The following HIVEP3 variants were observed in gnomAD, a reference collection of about 807,000 sequenced individuals.
HIVEP3 encodes HIVEP zinc finger 3, also known as transcription factor HIVEP3.
Under a neutral mutation model 152.8 loss-of-function variants are expected in HIVEP3, and 49 were observed. The observed-to-expected ratio is 0.32, with a 90% CI of 0.26 to 0.41. HIVEP3 has a LOEUF of 0.41. Ranked by LOEUF, HIVEP3 falls within the 10% of genes least tolerant of loss-of-function variation. The pLI is 1.00. For synonymous variants in HIVEP3, 1,269 were observed against 1,289.0 expected, an observed-to-expected ratio of 0.98 and a Z score of 0.33; for missense variants, 2,790 against 3,103.3, an observed-to-expected ratio of 0.90 and a Z score of 2.40.
intron 5 of HIVEP3, among the ~76,000 whole-genome samples, chr1:41,573,539 G>C (rs867826833): frequency 2.0e-5 from 3 of 152,154 alleles, no homozygotes; most frequent in Non-Finnish European, 2.9e-5. Flanking sequence ...GAAAGGGAGA[G>C]GATACCTTCC....
At chr1:41,568,639 G>A (rs1293212144) in intron 5 of HIVEP3, among the ~76,000 whole-genome samples, 3 of 152,240 alleles carry the variant, frequency 2.0e-5, no homozygotes, top group African/African-American at 7.2e-5. Context: ...CAGAGGTTGG[G>A]AAAAATGGGC....
At chr1:41,872,944 A>C (rs551721577) in intron 1 of HIVEP3, among the ~76,000 whole-genome samples, 2 of 152,374 alleles carry the variant, frequency 1.3e-5, no homozygotes, top group African/African-American at 4.8e-5. Context: ...TATGCTGTGC[A>C]TGTTTAACTT....
chr1:41,642,671 C>T (rs1479172926), intron 2 of HIVEP3, among the ~76,000 whole-genome samples: 1 of 152,240 alleles, frequency 6.6e-6, no homozygotes, highest in East Asian at 1.9e-4. Flanking sequence ...CCGTGTCACT[C>T]ACAGAGCCTT....
intron 1 of HIVEP3, among the ~76,000 whole-genome samples, chr1:41,972,791 A>G (rs1440630859): frequency 6.6e-6 from 1 of 152,220 alleles, no homozygotes; most frequent in Non-Finnish European, 1.5e-5. Flanking sequence ...GGCAGATGCT[A>G]AATAAATATT....
intron 5 of HIVEP3, among the ~76,000 whole-genome samples, chr1:41,528,005 C>G (rs1445832015): frequency 2.0e-5 from 3 of 148,206 alleles, no homozygotes; most frequent in Non-Finnish European, 4.5e-5. Flanking sequence ...CACTCACACT[C>G]CACACCCCGC....
chr1:41,549,498 A>G (rs557606481), intron 5 of HIVEP3, among the ~76,000 whole-genome samples: 1 of 152,328 alleles, frequency 6.6e-6, no homozygotes, highest in Admixed American at 6.5e-5. Flanking sequence ...CAACAGTGTA[A>G]AAGTGTTCCT....
intron 2 of HIVEP3, among the ~76,000 whole-genome samples, chr1:41,697,414 A>T (rs1646292975): frequency 6.6e-6 from 1 of 152,206 alleles, no homozygotes; most frequent in South Asian, 2.1e-4. Context: ...GTTTTGAATT[A>T]TTTCCTGAGC....
At chr1:41,854,687 A>C (rs1570674020) in intron 1 of HIVEP3, among the ~76,000 whole-genome samples, 1 of 63,690 alleles carries the variant, frequency 1.6e-5, no homozygotes, top group Non-Finnish European at 2.9e-5. Flanking sequence ...CCCCGACCCC[A>C]CCACAGTCCC....
At chr1:41,604,072 G>A (rs556457954) in intron 3 of HIVEP3, among the ~76,000 whole-genome samples, 2 of 152,240 alleles carry the variant, frequency 1.3e-5, no homozygotes, top group African/African-American at 4.8e-5. Context: ...AACTCTTCTT[G>A]TGCATTGTTA....
chr1:41,652,718 C>G (rs1432308616), intron 2 of HIVEP3, among the ~76,000 whole-genome samples: 1 of 152,208 alleles, frequency 6.6e-6, no homozygotes, highest in Non-Finnish European at 1.5e-5. Flanking sequence ...AATAAAGAAG[C>G]CTGCCCTGCG....
rs574684241 is a variant in HIVEP3, at chr1:41,957,428, C to T, written n.120-38904G>A. ...TATTGAGCACAGCCCTAGTCTAACA[C>T]AGTGGAGCTGAACCACTTGGGGTTA... On this transcript the variant is annotated intron_variant and non_coding_transcript_variant, in intron 1 of 3. Transcript: ENST00000489103. Among the ~76,000 whole-genome samples, 16 of 152,334 alleles carry T rather than the reference C, an allele frequency of 1.1e-4. No homozygotes were observed. In the South Asian group the frequency reaches 3.3e-3, roughly 32 times the overall value.
chr1:41,914,713 T>C (rs1644844558), intron 1 of HIVEP3, among the ~76,000 whole-genome samples: 1 of 152,152 alleles, frequency 6.6e-6, no homozygotes, highest in South Asian at 2.1e-4. Flanking sequence ...CATAAGGGTG[T>C]GGCCATGACA....
intron 5 of HIVEP3, among the ~76,000 whole-genome samples, chr1:41,537,291 G>A (rs1212486618): frequency 1.1e-4 from 17 of 152,180 alleles, no homozygotes; most frequent in Admixed American, 1.1e-3. Context: ...TTAAAGGTTT[G>A]CTGCATTTCT....
intron 1 of HIVEP3, among the ~76,000 whole-genome samples, chr1:41,707,307 C>T (rs945723165): frequency 2.0e-5 from 3 of 152,224 alleles, no homozygotes; most frequent in Non-Finnish European, 2.9e-5. Flanking sequence ...CCACAGAAGG[C>T]AGAACCATGT....
In HIVEP3 at chr1:41,584,884, C is replaced by T. The variant is rs1270970091; in HGVS notation, c.-87G>A. 7.9e-6 allele frequency: 10 copies of T among 1,267,966 alleles called. No homozygotes were observed. In the East Asian group the frequency reaches 1.5e-4, roughly 19 times the overall value. 78.5% of individuals were successfully genotyped at this position (1,267,966 alleles called of 1,614,324 possible). ...AATCCCAGTGTCCCAAGGAGGTGTC[C>T]AGCTTTGGCCACATTGGTCAAGAGC... On this transcript the variant is annotated 5_prime_UTR_variant, in exon 4 of 9. Transcript: ENST00000372583. This position sits in a 1 kb window ranked among gnomAD's most constrained non-coding sequence, Gnocchi z 5.2.
At chr1:41,696,088 A>G (rs1326214093) in intron 2 of HIVEP3, among the ~76,000 whole-genome samples, 1 of 152,250 alleles carries the variant, frequency 6.6e-6, no homozygotes, top group African/African-American at 2.4e-5. Flanking sequence ...AAAATGGGGT[A>G]TCAAATGGCA....
At chr1:41,562,279 AG>A in intron 5 of HIVEP3, among the ~76,000 whole-genome samples, 1 of 152,320 alleles carries the variant, frequency 6.6e-6, no homozygotes, top group Middle Eastern at 3.4e-3. Context: ...CAACACTGTC[AG>A]GTTCCCACCT....
intron 3 of HIVEP3, among the ~76,000 whole-genome samples, chr1:41,610,555 G>C (rs975857737): frequency 6.6e-6 from 1 of 152,130 alleles, no homozygotes; most frequent in South Asian, 2.1e-4. Flanking sequence ...AGAGAGGGAC[G>C]GTTCCTGCAA....
chr1:41,711,258 C>A (rs1229889081), intron 1 of HIVEP3, among the ~76,000 whole-genome samples: 1 of 152,200 alleles, frequency 6.6e-6, no homozygotes, highest in Non-Finnish European at 1.5e-5. Context: ...GCAGAGGGTA[C>A]GGGGAGGCCA....
Sources: allele counts gnomAD v4.1 joint callset (sites outside exome capture counted in the v4.1 genomes callset), GRCh38; gene constraint gnomAD v4.1.1; non-coding constraint Gnocchi (gnomAD v3.1); transcripts MANE v1.5; gene names NCBI Gene and HGNC (gene_info 2026-07-23, HGNC 2026-07-21).